The following TF variants were observed in gnomAD, a reference collection of about 807,000 sequenced individuals.
TF encodes transferrin.
In TF, 55 loss-of-function variants were observed where a neutral mutation model predicts 82.4. The ratio of observed to expected loss-of-function variants is 0.67; its 90% CI spans 0.54 to 0.84. The LOEUF is 0.84. Among genes scored for constraint, TF ranks in the 40% least tolerant of loss-of-function variants. The pLI is 0.00. For synonymous variants in TF, 332 were observed against 332.6 expected (o/e 1.00, Z 0.02); for missense variants, 737 against 868.4 (o/e 0.85, Z 1.90).
chr3:133,740,551 G>A, the TF span, among the ~76,000 whole-genome samples: 2 of 151,982 alleles, frequency 1.3e-5, no homozygotes, highest in African/African-American at 4.8e-5. Context: ...AGCTGGTCTC[G>A]AACTCCTGAC....
intron 16 of TF, 67 bp downstream of exon 16, chr3:133,777,305 G>A (rs1258270470): frequency 6.7e-7 from 1 of 1,502,918 alleles, no homozygotes; most frequent in Non-Finnish European, 9.1e-7. Flanking sequence ...GATGGTGGGT[G>A]GGTACAGGAG....
At chr3:133,679,354 T>C in the TF span, among the ~76,000 whole-genome samples, 2 of 152,204 alleles carry the variant, frequency 1.3e-5, no homozygotes, top group Non-Finnish European at 2.9e-5. Flanking sequence ...ATGATTTACC[T>C]GTAGTATAAT....
At chr3:133,764,401 C>A in intron 10 of TF, 126 bp downstream of exon 10, 1 of 795,148 alleles carries the variant, frequency 1.3e-6, no homozygotes, top group Non-Finnish European at 2.2e-6. Flanking sequence ...GCACCTCCTA[C>A]TTTGCAAGCT....
chr3:133,762,712 A>C (rs1273957857), intron 9 of TF, among the ~76,000 whole-genome samples: 6 of 152,180 alleles, frequency 3.9e-5, no homozygotes, highest in Non-Finnish European at 7.4e-5. Context: ...AAAATCTATT[A>C]AAAATTGGTT....
At chr3:133,728,726 C>T in the TF span, among the ~76,000 whole-genome samples, 2 of 152,188 alleles carry the variant, frequency 1.3e-5, no homozygotes, top group Non-Finnish European at 2.9e-5. Flanking sequence ...GGAGGAGAGG[C>T]ACTCTGCTTT....
At chr3:133,666,887 T>C in the TF span, among the ~76,000 whole-genome samples, 2 of 151,674 alleles carry the variant, frequency 1.3e-5, no homozygotes, top group Admixed American at 1.3e-4. Flanking sequence ...ATACAAAAAA[T>C]TAGCCAGGCG....
At chr3:133,751,377 C>T (rs1367320193) in intron 2 of TF, among the ~76,000 whole-genome samples, 4 of 151,742 alleles carry the variant, frequency 2.6e-5, no homozygotes, top group South Asian at 2.1e-4. Flanking sequence ...GGACTACAGG[C>T]GCGCGCCACC....
At chr3:133,719,662 A>G in the TF span, among the ~76,000 whole-genome samples, 1 of 151,936 alleles carries the variant, frequency 6.6e-6, no homozygotes, top group Admixed American at 6.6e-5. Context: ...TGCTGTTGTT[A>G]TTTGAGAGGG....
chr3:133,716,364 C>T, the TF span, among the ~76,000 whole-genome samples: 1 of 152,198 alleles, frequency 6.6e-6, no homozygotes, highest in Non-Finnish European at 1.5e-5. Flanking sequence ...CACTCCCACC[C>T]AAGTGCTGCA....
chr3:133,760,672 G>A (rs756432861), intron 9 of TF: 1 of 152,842 alleles, frequency 6.5e-6, no homozygotes, highest in Non-Finnish European at 1.5e-5. Context: ...ATTTTAAAAG[G>A]TTCTTCTTGG....
At chr3:133,737,064 C>T in the TF span, among the ~76,000 whole-genome samples, 1 of 151,932 alleles carries the variant, frequency 6.6e-6, no homozygotes, top group African/African-American at 2.4e-5. Context: ...AACACATAAT[C>T]GAAAGTAAAA....
At chr3:133,691,277 G>C in the TF span, among the ~76,000 whole-genome samples, 1 of 152,194 alleles carries the variant, frequency 6.6e-6, no homozygotes, top group African/African-American at 2.4e-5. Flanking sequence ...CCACATTTGA[G>C]AGTGCCAAAC....
At position 133,769,826 on chromosome 3, in the gene TF, T is replaced by C. The variant is rs8177290; in HGVS notation, c.1623-682T>C. ...GCCCTTTCAAAGGACTGGAAGACAG[T>C]CAAAATTAAAATTAGAACCCTACTA... is the stretch of plus-strand genomic sequence containing the variant. On this transcript the variant is annotated intron_variant, in intron 13 of 16. Transcript: ENST00000402696. Among the ~76,000 whole-genome samples the C allele has an allele frequency of 2.0e-3, 304 of 152,282 alleles. 12 individuals carry two copies. The East Asian group carries it at 0.054, about 27-fold the overall frequency.
At chr3:133,761,746 C>T (rs566072847) in intron 9 of TF, 1 of 152,312 alleles carries the variant, frequency 6.6e-6, no homozygotes, top group Non-Finnish European at 1.5e-5. Context: ...GTGAAGCTAG[C>T]TAGGTGGAAA....
At chr3:133,739,147 A>C in the TF span, among the ~76,000 whole-genome samples, 2 of 152,194 alleles carry the variant, frequency 1.3e-5, no homozygotes, top group African/African-American at 4.8e-5. Flanking sequence ...CAGAGGCCTC[A>C]AAAAATAACG....
chr3:133,759,212 G>A lies in TF; in HGVS notation c.1086G>A (p.Lys362=). 1 of 1,614,202 alleles carries A rather than the reference G, an allele frequency of 6.2e-7. No individual in the cohort carries two copies. ...EAPTDECKPV[K]WCALSHHERL... ...CAACAGATGAATGCAAGCCTGTGAA[G>A]TGGTGTGCGCTGAGCCACCACGAGA... Residue 362 remains lysine, a synonymous_variant, in exon 9 of 17, where the codon AAG becomes AAA. Coordinates refer to ENST00000402696, the MANE Select transcript of TF (RefSeq NM_001063.4).
rs2107934250 is a variant in TF at position 133,775,562 on chromosome 3, T to C, written c.1817T>C (p.Val606Ala). The C allele has an allele frequency of 6.2e-7, 1 of 1,614,210 alleles. No homozygotes were observed. Among genetic ancestry groups the C allele is most frequent in the Non-Finnish European group, 8.5e-7 (1 of 1,180,040 alleles). The change falls in exon 15 of 17, where the codon GTG becomes GCG. Residue 606 changes from valine to alanine, a missense_variant. Val to Ala is a moderately conservative substitution (Grantham distance 64). Transcript: ENST00000402696. ...CHLARAPNHA[V>A]VTRKDKEACV... Reference sequence around the variant, plus strand: ...CTGGCCAGAGCCCCGAATCACGCTGTGGTCACACGGAAAGATAAGGAAGCT... The same window carrying C: ...CTGGCCAGAGCCCCGAATCACGCTGCGGTCACACGGAAAGATAAGGAAGCT...
chr3:133,670,528 G>A, the TF span, among the ~76,000 whole-genome samples: 6 of 152,150 alleles, frequency 3.9e-5, no homozygotes, highest in African/African-American at 9.7e-5. Context: ...AGGGTCGGGG[G>A]CACAGTGGCT....
upstream of TF, among the ~76,000 whole-genome samples, chr3:133,745,199 C>G (rs1337255751): frequency 6.6e-6 from 1 of 152,218 alleles, no homozygotes; most frequent in Non-Finnish European, 1.5e-5. Context: ...AATGACTGAC[C>G]TGACGTGTCC....
Sources: gnomAD v4.1 joint callset for allele counts (sites outside exome capture counted in the v4.1 genomes callset) on GRCh38, gnomAD v4.1.1 for gene constraint, MANE v1.5 for transcripts, NCBI Gene and HGNC (gene_info 2026-07-23, HGNC 2026-07-21) for gene names.